The following BCKDHB variants were observed in gnomAD, a reference collection of about 807,000 sequenced individuals.
BCKDHB encodes branched chain keto acid dehydrogenase E1 subunit beta.
A neutral mutation model predicts 48.5 loss-of-function variants in BCKDHB; 41 were observed. The ratio of observed to expected loss-of-function variants is 0.85; its 90% CI spans 0.66 to 1.10. The LOEUF (loss-of-function observed/expected upper bound fraction) is 1.10, where lower values mean the gene tolerates loss of function less well. Among genes scored for constraint, BCKDHB ranks in the 50% least tolerant of loss-of-function variants. The pLI is 0.00. For synonymous variants in BCKDHB, 201 were observed against 174.8 expected (o/e 1.15, Z -1.18); for missense variants, 496 against 494.2 (o/e 1.00, Z -0.03).
At chr6:80,114,785 A>T (rs1352058806) in intron 1 of BCKDHB, among the ~76,000 whole-genome samples, 1 of 152,234 alleles carries the variant, frequency 6.6e-6, no homozygotes, top group East Asian at 1.9e-4. Flanking sequence ...TGACTGTTGG[A>T]TATAAAAGTC....
chr6:80,445,740 C>T, the BCKDHB span, among the ~76,000 whole-genome samples: 2 of 152,030 alleles, frequency 1.3e-5, no homozygotes, highest in African/African-American at 2.4e-5. Flanking sequence ...TTAGAGATGT[C>T]GAGAGGAGGT....
chr6:80,140,685 G>A (rs889181570), intron 3 of BCKDHB, among the ~76,000 whole-genome samples: 12 of 152,224 alleles, frequency 7.9e-5, no homozygotes, highest in African/African-American at 2.9e-4. Context: ...GCTTTTTGAT[G>A]TGCTGCTGGA....
chr6:80,198,141 G>A (rs1364120585), intron 6 of BCKDHB, among the ~76,000 whole-genome samples: 1 of 152,140 alleles, frequency 6.6e-6, no homozygotes, highest in African/African-American at 2.4e-5. Flanking sequence ...TGTCTTTGTT[G>A]GAACTAGTCA....
chr6:80,207,281 A>G (rs1774712671), intron 8 of BCKDHB, among the ~76,000 whole-genome samples: 1 of 151,978 alleles, frequency 6.6e-6, no homozygotes, highest in African/African-American at 2.4e-5. Flanking sequence ...GGGGTCTTAC[A>G]TGGAGTTAAA....
intron 8 of BCKDHB, among the ~76,000 whole-genome samples, chr6:80,253,837 T>C (rs1776936207): frequency 6.6e-6 from 1 of 152,058 alleles, no homozygotes; most frequent in African/African-American, 2.4e-5. Context: ...TAGGAGAGGA[T>C]AATAAGTTTT....
chr6:80,437,244 A>C, the BCKDHB span, among the ~76,000 whole-genome samples: 89 of 152,258 alleles, frequency 5.8e-4, no homozygotes, highest in Non-Finnish European at 9.3e-4. Context: ...TACATGGTTA[A>C]AACAATAGTT....
chr6:80,153,190 C>G (rs1267618849), intron 3 of BCKDHB, among the ~76,000 whole-genome samples: 2 of 152,106 alleles, frequency 1.3e-5, no homozygotes, highest in Non-Finnish European at 2.9e-5. Context: ...TAGCCTCCCT[C>G]TGTTCAGTGG....
chr6:80,137,946 G>C (rs1770974717), intron 3 of BCKDHB, among the ~76,000 whole-genome samples: 1 of 151,734 alleles, frequency 6.6e-6, no homozygotes, highest in Non-Finnish European at 1.5e-5. Flanking sequence ...AAAAAAAATA[G>C]CTGAGCAGGG....
intron 6 of BCKDHB, among the ~76,000 whole-genome samples, chr6:80,191,399 C>T (rs1773888187): frequency 6.6e-6 from 1 of 152,046 alleles, no homozygotes; most frequent in African/African-American, 2.4e-5. Context: ...AATTGTTGCT[C>T]CTCATGGGTA....
At chr6:80,388,592 T>C in the BCKDHB span, among the ~76,000 whole-genome samples, 1 of 152,136 alleles carries the variant, frequency 6.6e-6, no homozygotes. Context: ...AGTATATACG[T>C]GGCTGGGGTC....
intron 1 of BCKDHB, among the ~76,000 whole-genome samples, chr6:80,114,921 A>G (rs917655991): frequency 1.3e-5 from 2 of 152,222 alleles, no homozygotes; most frequent in Non-Finnish European, 2.9e-5. Flanking sequence ...GGGAAGCACC[A>G]TTGTTTCTTG....
chr6:80,182,866 T>C lies in BCKDHB; in HGVS notation c.742+11476T>C, dbSNP rs143551796. 1.7e-3 allele frequency among the ~76,000 whole-genome samples: 264 copies of C among 152,314 alleles called. 1 individual carries two copies. Among genetic ancestry groups the C allele is most frequent in the African/African-American group, 6.0e-3 (250 of 41,580 alleles). On this transcript the variant is annotated intron_variant, in intron 6 of 9. Coordinates refer to ENST00000320393, the MANE Select transcript of BCKDHB (RefSeq NM_183050.4). ...TACAAATATTGTATAACTTGCTTTT[T>C]TTACCAATATATTTTTGATATATTT...
the BCKDHB span, among the ~76,000 whole-genome samples, chr6:80,355,100 T>A: frequency 6.6e-6 from 1 of 152,174 alleles, no homozygotes. Flanking sequence ...GCAGTATGAT[T>A]ATGTTAATGA....
intron 8 of BCKDHB, among the ~76,000 whole-genome samples, chr6:80,265,820 G>C (rs1430222264): frequency 6.6e-6 from 1 of 152,104 alleles, no homozygotes; most frequent in Admixed American, 6.6e-5. Context: ...TAAACTGCTG[G>C]AATTAATAAA....
intron 8 of BCKDHB, among the ~76,000 whole-genome samples, chr6:80,219,664 G>T (rs994703122): frequency 4.6e-5 from 7 of 152,100 alleles, no homozygotes; most frequent in Non-Finnish European, 1.5e-5. Context: ...TCATTTTGTT[G>T]GAGTACATTC....
intron 1 of BCKDHB, among the ~76,000 whole-genome samples, chr6:80,123,702 G>A (rs1481578607): frequency 2.6e-5 from 4 of 152,182 alleles, no homozygotes; most frequent in Admixed American, 6.5e-5. Flanking sequence ...AGTATTCTCT[G>A]ATGGTAGTTT....
rs34127398 is a variant in BCKDHB at position 80,342,556 on chromosome 6, G to GAAAAAA, written c.1039-1090_1039-1085dup. On this transcript the variant is annotated intron_variant, in intron 9 of 9. Coordinates refer to ENST00000320393, the MANE Select transcript of BCKDHB (RefSeq NM_183050.4). ...GGCAACATAAGAAGACCTCATTTCT[G>GAAAAAA]AAAAAAAAAAAAAAAAAAAAAAAGA... Among the ~76,000 whole-genome samples the GAAAAAA allele has an allele frequency of 3.3e-4, 8 of 24,094 alleles. 1 individual carries two copies. The East Asian group carries it at 4.2e-3, about 13-fold the overall frequency. 15.8% of individuals were successfully genotyped at this position (24,094 alleles called of 152,430 possible). A position where few individuals can be genotyped will look rare whatever the true frequency, so the allele number is the denominator to read the frequency against.
intron 1 of BCKDHB, among the ~76,000 whole-genome samples, chr6:80,115,522 C>T (rs1769644509): frequency 6.6e-6 from 1 of 152,142 alleles, no homozygotes; most frequent in African/African-American, 2.4e-5. Context: ...TCTTAGTATC[C>T]TGTTATTTCA....
the BCKDHB span, among the ~76,000 whole-genome samples, chr6:80,437,569 G>A: frequency 6.6e-6 from 1 of 152,180 alleles, no homozygotes. Context: ...CAGGGAAGCT[G>A]CAGTGTTCTC....
Sources: allele counts gnomAD v4.1 joint callset (sites outside exome capture counted in the v4.1 genomes callset), GRCh38; gene constraint gnomAD v4.1.1; transcripts MANE v1.5; gene names NCBI Gene and HGNC (gene_info 2026-07-23, HGNC 2026-07-21).